Variants in YEATS4 observed in about 807,000 individuals in gnomAD.
YEATS4 encodes YEATS domain-containing protein 4.
YEATS4 carries 17 observed loss-of-function variants against 30.1 expected under a neutral mutation model. The observed-to-expected ratio is 0.56, with a 90% CI of 0.39 to 0.85. YEATS4 has a LOEUF of 0.85. YEATS4 is among the 40% of genes least tolerant of loss of function. YEATS4 has a pLI of 0.00. For missense variants in YEATS4, 142 were observed against 268.3 expected (o/e 0.53, Z 3.29); for synonymous variants, 85 against 87.5 (o/e 0.97, Z 0.16).
chr12:69,390,396 G>T lies in YEATS4; in HGVS notation c.*80G>T. The T allele has an allele frequency of 1.1e-5, 15 of 1,327,566 alleles. No homozygotes were observed. The highest frequency in any genetic ancestry group is 1.5e-5 in the Non-Finnish European group (15 of 991,366). The allele number at this position is 1,327,566 out of a possible 1,614,324, so 82.2% of individuals were successfully genotyped here. A position where few individuals can be genotyped will look rare whatever the true frequency, so the allele number is the denominator to read the frequency against. The stretch of plus-strand genomic sequence containing the variant: ...CTGGAGAAATGGACTTACTGCAAAT[G>T]CTGTGATGTTTCTTAGAGGAACTTC... On this transcript the variant is annotated 3_prime_UTR_variant, in exon 7 of 7. Transcript: ENST00000247843.
In YEATS4 at chr12:69,382,723, G is replaced by A. The variant is rs1044904144; in HGVS notation, c.515-7424G>A. The stretch of plus-strand genomic sequence containing the variant: ...TTTCCTGTGTGTGGAGGCTGTCCCA[G>A]TAATTCAGATTTGGTAGAATGGTGG... On this transcript the variant is annotated intron_variant, in intron 6 of 6. Coordinates refer to ENST00000247843, the MANE Select transcript of YEATS4 (RefSeq NM_006530.4). Among the ~76,000 whole-genome samples, 7 of 152,356 alleles carry A rather than the reference G, an allele frequency of 4.6e-5. No homozygotes were observed. The South Asian group carries it at 1.0e-3, about 23-fold the overall frequency.
chr12:69,379,096 G>T (rs901788162), intron 6 of YEATS4, among the ~76,000 whole-genome samples: 1 of 152,124 alleles, frequency 6.6e-6, no homozygotes, highest in African/African-American at 2.4e-5. Flanking sequence ...GGCCTATAAA[G>T]TTTCCACTGA....
At chr12:69,363,056 G>T in intron 2 of YEATS4, 149 bp downstream of exon 2, 1 of 595,648 alleles carries the variant, frequency 1.7e-6, no homozygotes, top group Non-Finnish European at 2.3e-6. Flanking sequence ...GCAGTGGCGC[G>T]ATCTCAGCTC....
downstream of YEATS4, among the ~76,000 whole-genome samples, chr12:69,393,131 G>T (rs1169890494): frequency 1.3e-5 from 2 of 152,062 alleles, no homozygotes; most frequent in Non-Finnish European, 2.9e-5. Flanking sequence ...AATAATAATA[G>T]ATTTCAAACT....
rs1875614320 is a variant in YEATS4 at position 69,370,923 on chromosome 12, A to G, written c.462A>G (p.Leu154=). 6.2e-7 allele frequency: 1 copy of G among 1,613,490 alleles called. No homozygotes were observed. The highest frequency in any genetic ancestry group is 1.7e-4 in the Middle Eastern group (1 of 5,910). The change falls in exon 6 of 7, where the codon TTA becomes TTG. Residue 154 remains leucine, a synonymous_variant. Coordinates refer to ENST00000247843, the MANE Select transcript of YEATS4 (RefSeq NM_006530.4). ...FQDPTAMMQQ[L]LTTSRQLTLG... ...ACCCAACAGCAATGATGCAACAATT[A>G]TTGACAACATCTCGTCAGCTAACAT...
chr12:69,388,306 A>C (rs901006826), intron 6 of YEATS4, among the ~76,000 whole-genome samples: 3 of 152,198 alleles, frequency 2.0e-5, no homozygotes, highest in Non-Finnish European at 4.4e-5. Flanking sequence ...ACATATAATT[A>C]CTTCATGTAA....
At chr12:69,366,203 T>C (rs1875423431) in intron 4 of YEATS4, among the ~76,000 whole-genome samples, 1 of 152,320 alleles carries the variant, frequency 6.6e-6, no homozygotes, top group East Asian at 1.9e-4. Context: ...GCCCATATGC[T>C]GTGTAAAATA....
At chr12:69,381,085 A>G (rs1876056505) in intron 6 of YEATS4, among the ~76,000 whole-genome samples, 1 of 152,154 alleles carries the variant, frequency 6.6e-6, no homozygotes, top group Admixed American at 6.5e-5. Context: ...AGAGCAGGCA[A>G]CCGGTCTGAC....
At chr12:69,418,690 C>A in the YEATS4 span, among the ~76,000 whole-genome samples, 1 of 152,152 alleles carries the variant, frequency 6.6e-6, no homozygotes, top group African/African-American at 2.4e-5. Context: ...CATTAACTCT[C>A]ATCTGTTTCA....
intron 6 of YEATS4, among the ~76,000 whole-genome samples, chr12:69,381,943 C>T (rs1006725837): frequency 2.0e-5 from 3 of 152,136 alleles, no homozygotes; most frequent in African/African-American, 7.2e-5. Flanking sequence ...AGACTTAATC[C>T]AAGTCGTGGG....
chr12:69,404,410 G>A, the YEATS4 span, among the ~76,000 whole-genome samples: 8 of 152,218 alleles, frequency 5.3e-5, no homozygotes, highest in African/African-American at 9.6e-5. Flanking sequence ...TCATTGAATG[G>A]ATTAAAGCTG....
the YEATS4 span, among the ~76,000 whole-genome samples, chr12:69,426,743 A>G: frequency 1.3e-5 from 2 of 152,232 alleles, no homozygotes; most frequent in African/African-American, 4.8e-5. Context: ...CTATTTGTTT[A>G]AGGAAACCAT....
intron 6 of YEATS4, among the ~76,000 whole-genome samples, chr12:69,380,998 G>A (rs925738113): frequency 2.6e-5 from 4 of 152,138 alleles, no homozygotes; most frequent in African/African-American, 2.4e-5. Flanking sequence ...TCACAGGACC[G>A]GGGCAAAACT....
chr12:69,426,493 C>T, the YEATS4 span, among the ~76,000 whole-genome samples: 56 of 152,280 alleles, frequency 3.7e-4, no homozygotes, highest in Admixed American at 1.2e-3. Flanking sequence ...GCCTCAGCCT[C>T]CCGAGTAGCT....
intron 4 of YEATS4, among the ~76,000 whole-genome samples, chr12:69,369,794 C>G (rs1875572397): frequency 6.6e-6 from 1 of 152,146 alleles, no homozygotes; most frequent in Non-Finnish European, 1.5e-5. Context: ...TTTCTACATT[C>G]TTAGTGCATC....
chr12:69,360,728 C>G (rs979337727), intron 1 of YEATS4, among the ~76,000 whole-genome samples: 2 of 150,768 alleles, frequency 1.3e-5, no homozygotes, highest in East Asian at 3.9e-4. Context: ...CGCAATGGCA[C>G]GATCTCGGCT....
chr12:69,402,824 C>T, the YEATS4 span, among the ~76,000 whole-genome samples: 1 of 148,734 alleles, frequency 6.7e-6, no homozygotes, highest in African/African-American at 2.5e-5. Context: ...CTCCTGGGCT[C>T]ATGCAATTCT....
the YEATS4 span, among the ~76,000 whole-genome samples, chr12:69,424,404 T>G: frequency 6.6e-6 from 1 of 152,212 alleles, no homozygotes; most frequent in African/African-American, 2.4e-5. Flanking sequence ...TATCCTTCCC[T>G]TCCATAGTCT....
the YEATS4 span, among the ~76,000 whole-genome samples, chr12:69,418,070 TAG>T: frequency 6.6e-6 from 1 of 152,206 alleles, no homozygotes; most frequent in Admixed American, 6.5e-5. Context: ...ATTCTTCTGA[TAG>T]AGACAGATTC....
Sources: gnomAD v4.1 joint callset for allele counts (sites outside exome capture counted in the v4.1 genomes callset) on GRCh38, gnomAD v4.1.1 for gene constraint, MANE v1.5 for transcripts, NCBI Gene and HGNC (gene_info 2026-07-23, HGNC 2026-07-21) for gene names.